Variants in MAML3 observed in about 807,000 individuals in gnomAD.
MAML3 encodes mastermind-like protein 3.
In MAML3, 27 loss-of-function variants were observed where a neutral mutation model predicts 101.9. That is an observed-to-expected ratio of 0.27 (90% CI 0.20 to 0.37). MAML3 has a LOEUF of 0.37. Among genes scored for constraint, MAML3 ranks in the 10% least tolerant of loss-of-function variants. The pLI, the probability that MAML3 is intolerant of heterozygous loss-of-function variation, is 1.00. For synonymous variants in MAML3, 501 were observed against 555.9 expected (o/e 0.90, Z 1.39); for missense variants, 1,316 against 1,444.9 (o/e 0.91, Z 1.45).
At chr4:139,790,244 A>ATATATATATATATATATAT (rs1560795077) in intron 2 of MAML3, among the ~76,000 whole-genome samples, 2 of 95,452 alleles carry the variant, frequency 2.1e-5, no homozygotes, top group African/African-American at 7.8e-5. Flanking sequence ...TATATATATA[A>ATATATATATATATATATAT]ATAAATATAT....
At chr4:139,757,642 CAAA>C (rs10583574) in intron 2 of MAML3, among the ~76,000 whole-genome samples, 1,598 of 104,576 alleles carry the variant, frequency 0.015, 13 homozygotes, top group Non-Finnish European at 0.021. Context: ...GGCTCCATTT[CAAA>C]AAAAAAAAAA....
intron 1 of MAML3, among the ~76,000 whole-genome samples, chr4:139,971,578 T>C (rs1248302720): frequency 6.6e-6 from 1 of 152,262 alleles, no homozygotes; most frequent in African/African-American, 2.4e-5. Context: ...TAATGACTTA[T>C]TTCCCTCTTA....
intron 2 of MAML3, among the ~76,000 whole-genome samples, chr4:139,856,544 G>T (rs1731666443): frequency 6.6e-6 from 1 of 152,306 alleles, no homozygotes; most frequent in African/African-American, 2.4e-5. Flanking sequence ...AAAGCAAATG[G>T]TTGTCTTCAT....
At chr4:139,974,913 G>A (rs1734300933) in intron 1 of MAML3, among the ~76,000 whole-genome samples, 1 of 152,048 alleles carries the variant, frequency 6.6e-6, no homozygotes, top group African/African-American at 2.4e-5. Flanking sequence ...AGAGTGCAGA[G>A]GGCTTGTGCA....
chr4:139,913,639 A>G (rs529201175), intron 1 of MAML3, among the ~76,000 whole-genome samples: 1 of 152,264 alleles, frequency 6.6e-6, no homozygotes, highest in East Asian at 1.9e-4. Context: ...TGTGAGAGCA[A>G]AAGAACCAAG....
intron 1 of MAML3, among the ~76,000 whole-genome samples, chr4:140,058,222 T>A (rs1360727659): frequency 1.3e-5 from 2 of 152,014 alleles, no homozygotes; most frequent in Non-Finnish European, 2.9e-5. Flanking sequence ...AGACCCATGT[T>A]TTCCCTTTGG....
intron 1 of MAML3, among the ~76,000 whole-genome samples, chr4:139,998,126 A>G (rs1389921250): frequency 1.3e-5 from 2 of 152,044 alleles, no homozygotes; most frequent in Non-Finnish European, 2.9e-5. Flanking sequence ...GATTCCCATT[A>G]TATGTATGCT....
intron 1 of MAML3, among the ~76,000 whole-genome samples, chr4:140,068,453 G>C (rs536062836): frequency 6.6e-6 from 1 of 152,242 alleles, no homozygotes; most frequent in South Asian, 2.1e-4. Flanking sequence ...TTAAACAAGG[G>C]TCTCTCTCTA....
chr4:140,088,071 AT>A (rs1727986694), intron 1 of MAML3, among the ~76,000 whole-genome samples: 1 of 152,128 alleles, frequency 6.6e-6, no homozygotes, highest in South Asian at 2.1e-4. Context: ...TCCAAAAAAA[AT>A]TTAAAAAATT....
rs1325677432 is a variant in MAML3 at position 139,889,462 on chromosome 4, G to A, written c.1974C>T (p.Ala658=). The part of the protein sequence containing the change: ...QQQPPPPQLQ[A]PRAHLSEDQK... ...GGTCTTCGCTCAGGTGTGCCCTGGG[G>A]GCCTGGAGCTGTGGAGGTGGCGGCT... The change falls in exon 2 of 5, where the codon GCC becomes GCT. Residue 658 remains alanine, a synonymous_variant. Transcript: ENST00000509479. 3.7e-6 allele frequency: 6 copies of A among 1,613,818 alleles called. No homozygotes were observed. The highest frequency in any genetic ancestry group is 5.1e-6 in the Non-Finnish European group (6 of 1,179,894).
At chr4:139,790,267 A>G (rs1455965301) in intron 2 of MAML3, among the ~76,000 whole-genome samples, 1 of 146,420 alleles carries the variant, frequency 6.8e-6, no homozygotes, top group East Asian at 2.0e-4. Context: ...AATAAAATAT[A>G]TACCTATATA....
At chr4:139,879,418 C>T (rs1321660087) in intron 2 of MAML3, among the ~76,000 whole-genome samples, 1 of 149,906 alleles carries the variant, frequency 6.7e-6, no homozygotes, top group African/African-American at 2.5e-5. Flanking sequence ...CTCAGCTACT[C>T]AGGAGGATGA....
intron 1 of MAML3, among the ~76,000 whole-genome samples, chr4:140,047,337 G>C (rs1241451724): frequency 6.6e-6 from 1 of 152,200 alleles, no homozygotes; most frequent in East Asian, 1.9e-4. Flanking sequence ...GGGCAGCGGA[G>C]GTGGGTGTGA....
chr4:140,060,117 G>A (rs1198384058), intron 1 of MAML3, among the ~76,000 whole-genome samples: 2 of 152,076 alleles, frequency 1.3e-5, no homozygotes, highest in Admixed American at 6.6e-5. Context: ...TGTAATCCCA[G>A]CACTTTGGGA....
chr4:139,902,059 A>C (rs1417118411), intron 1 of MAML3, among the ~76,000 whole-genome samples: 1 of 152,216 alleles, frequency 6.6e-6, no homozygotes, highest in Non-Finnish European at 1.5e-5. Flanking sequence ...TATTGAAATA[A>C]GATCTCTTAC....
At chr4:139,981,042 C>T (rs565751999) in intron 1 of MAML3, among the ~76,000 whole-genome samples, 7 of 152,232 alleles carry the variant, frequency 4.6e-5, no homozygotes, top group Non-Finnish European at 8.8e-5. Context: ...ATATTAGTTT[C>T]CTAGAGCTGC....
chr4:139,870,175 A>AT (rs1731977995), intron 2 of MAML3, among the ~76,000 whole-genome samples: 1 of 152,218 alleles, frequency 6.6e-6, no homozygotes, highest in African/African-American at 2.4e-5. Flanking sequence ...TACTATCGAC[A>AT]TTTTGGGCTA....
At chr4:139,883,102 G>C (rs568744532) in intron 2 of MAML3, among the ~76,000 whole-genome samples, 163 of 152,290 alleles carry the variant, frequency 1.1e-3, no homozygotes, top group Non-Finnish European at 2.1e-3. Context: ...AAGAATGATG[G>C]TGAAGGGTGA....
At chr4:139,772,805 A>G (rs910247299) in intron 2 of MAML3, among the ~76,000 whole-genome samples, 16 of 151,036 alleles carry the variant, frequency 1.1e-4, no homozygotes, top group African/African-American at 3.4e-4. Flanking sequence ...GGAAAGAATA[A>G]AGTATTGCTC....
Sources: allele counts gnomAD v4.1 joint callset (sites outside exome capture counted in the v4.1 genomes callset), GRCh38; gene constraint gnomAD v4.1.1; transcripts MANE v1.5; gene names NCBI Gene and HGNC (gene_info 2026-07-23, HGNC 2026-07-21).